Variants in THAP4 observed in about 807,000 individuals in gnomAD.
The protein encoded by THAP4 is THAP domain containing 4.
In THAP4, 18 loss-of-function variants were observed where a neutral mutation model predicts 48.1. The observed-to-expected ratio is 0.37, with a 90% CI of 0.26 to 0.56. The LOEUF is 0.56. Ranked by LOEUF, THAP4 falls within the 20% of genes least tolerant of loss-of-function variation. The pLI is 0.78. For missense variants in THAP4, 656 were observed against 774.9 expected (o/e 0.85, Z 1.82); for synonymous variants, 345 against 324.9 (o/e 1.06, Z -0.66).
intron 2 of THAP4, among the ~76,000 whole-genome samples, chr2:241,627,292 A>T (rs1473618888): frequency 6.6e-6 from 1 of 152,250 alleles, no homozygotes; most frequent in Non-Finnish European, 1.5e-5. Flanking sequence ...ATAAAGGAAT[A>T]AAAAGAAAAC....
At chr2:241,585,598 G>A (rs574617397) in intron 5 of THAP4, among the ~76,000 whole-genome samples, 1 of 152,230 alleles carries the variant, frequency 6.6e-6, no homozygotes, top group South Asian at 2.1e-4. Flanking sequence ...CCAATTTGGA[G>A]CAACTGGCCC....
chr2:241,619,147 T>C (rs2067380629), intron 2 of THAP4, among the ~76,000 whole-genome samples: 1 of 151,844 alleles, frequency 6.6e-6, no homozygotes, highest in Admixed American at 6.6e-5. Flanking sequence ...ACATCCTGGG[T>C]GGGAGTGGAA....
intron 2 of THAP4, among the ~76,000 whole-genome samples, chr2:241,615,125 T>A (rs1339104335): frequency 6.6e-6 from 1 of 152,018 alleles, no homozygotes; most frequent in Non-Finnish European, 1.5e-5. Flanking sequence ...ACGTATATAT[T>A]CTATGATTCC....
Position 241,633,881 on chromosome 2 carries a change from C to A in THAP4, c.276G>T (p.Arg92Ser), listed in dbSNP as rs759486716. ...PSIFHLTEKKRGAGGHGRTRR... is the reference protein window; with the variant it reads ...PSIFHLTEKKSGAGGHGRTRR... ...GGGTGCGGCCATGGCCTCCAGCCCC[C>A]CTCTTCTTCTCGGTCAGGTGGAAGA... The change falls in exon 2 of 6, where the codon AGG (arginine) becomes AGT (serine). Residue 92 changes from arginine (R) to serine (S), a missense_variant. Transcript: ENST00000407315. This position sits in a 1 kb window ranked among gnomAD's most constrained non-coding sequence, Gnocchi z 7.5. The A allele has an allele frequency of 1.2e-5, 19 of 1,614,036 alleles. No homozygotes were observed. Among genetic ancestry groups the A allele is most frequent in the Middle Eastern group, 1.7e-4 (1 of 6,060 alleles).
At chr2:241,589,040 C>T (rs949912861) in intron 5 of THAP4, among the ~76,000 whole-genome samples, 1 of 152,060 alleles carries the variant, frequency 6.6e-6, no homozygotes, top group South Asian at 2.1e-4. Flanking sequence ...GGTGAAACCC[C>T]GTCTTTACTA....
rs150339450 is a variant in THAP4, at chr2:241,629,125, C to T, written c.1240+3792G>A. Among the ~76,000 whole-genome samples, 13 of 151,996 alleles carry T rather than the reference C, an allele frequency of 8.6e-5. No individual in the cohort carries two copies. In the East Asian group the frequency reaches 2.3e-3, roughly 27 times the overall value. On this transcript the variant is annotated intron_variant, in intron 2 of 5. Coordinates refer to ENST00000407315, the MANE Select transcript of THAP4 (RefSeq NM_015963.6). ...ACCTAGGGAAGGTGGCACACAGGAC[C>T]GATCAGCTCTCAACAGTTACACAAA...
At chr2:241,613,625 C>T (rs1186691271) in intron 2 of THAP4, among the ~76,000 whole-genome samples, 1 of 151,956 alleles carries the variant, frequency 6.6e-6, no homozygotes, top group Non-Finnish European at 1.5e-5. Context: ...CGTGGTGGCA[C>T]GTGCCTGTCG....
intron 5 of THAP4, among the ~76,000 whole-genome samples, chr2:241,592,642 A>G (rs1469507837): frequency 6.6e-6 from 1 of 152,224 alleles, no homozygotes; most frequent in Non-Finnish European, 1.5e-5. Context: ...CCCAGATGCC[A>G]CGGAGCAGCT....
chr2:241,621,402 T>C (rs34256864), intron 2 of THAP4, among the ~76,000 whole-genome samples: 49,605 of 151,810 alleles, frequency 0.33, 8,409 homozygotes, highest in South Asian at 0.46. Context: ...AGGGCTCTAA[T>C]GGAAAAAGTG....
chr2:241,585,981 C>T (rs1365488678), intron 5 of THAP4, among the ~76,000 whole-genome samples: 1 of 149,228 alleles, frequency 6.7e-6, no homozygotes, highest in Non-Finnish European at 1.5e-5. Context: ...TGAGGTTGGG[C>T]ACGGTGGTTC....
At position 241,634,088 on chromosome 2, in the gene THAP4, C is replaced by T. The variant is rs767274102; in HGVS notation, c.78-9G>A. On this transcript the variant is annotated splice_polypyrimidine_tract_variant and intron_variant, in intron 1 of 5. Transcript: ENST00000407315. ...AGTCCTTTAGGGGGAACCTACAGGA[C>T]AAATGACAAAAAGTAATTAGAAATA... 5.9e-6 allele frequency: 9 copies of T among 1,520,184 alleles called. No homozygotes were observed. Among genetic ancestry groups the T allele is most frequent in the Middle Eastern group, 1.8e-4 (1 of 5,534 alleles). The allele number at this position is 1,520,184 out of a possible 1,614,324, so 94.2% of individuals were successfully genotyped here. A position where few individuals can be genotyped will look rare whatever the true frequency, so the allele number is the denominator to read the frequency against.
chr2:241,625,573 G>C (rs1166305683), intron 2 of THAP4, among the ~76,000 whole-genome samples: 1 of 150,976 alleles, frequency 6.6e-6, no homozygotes, highest in African/African-American at 2.4e-5. Context: ...GAGGCAGGCA[G>C]ATCACGAGGT....
At chr2:241,635,777 G>C (rs2067634961) in intron 1 of THAP4, among the ~76,000 whole-genome samples, 1 of 151,676 alleles carries the variant, frequency 6.6e-6, no homozygotes, top group Admixed American at 6.6e-5. Context: ...TCAAAAAAAA[G>C]AGAAAAAAAG....
intron 2 of THAP4, among the ~76,000 whole-genome samples, chr2:241,609,602 C>T (rs2067236907): frequency 6.6e-6 from 1 of 152,108 alleles, no homozygotes; most frequent in African/African-American, 2.4e-5. Flanking sequence ...GCGTGGCCAA[C>T]GTGGTGAAAC....
intron 3 of THAP4, among the ~76,000 whole-genome samples, chr2:241,606,030 AC>A (rs1476138365): frequency 6.6e-6 from 1 of 152,218 alleles, no homozygotes; most frequent in Non-Finnish European, 1.5e-5. Flanking sequence ...TAATTTTGAT[AC>A]ATAAATTAAG....
intron 5 of THAP4, among the ~76,000 whole-genome samples, chr2:241,596,759 C>T (rs35475486): frequency 0.33 from 50,198 of 151,324 alleles, 8,672 homozygotes; most frequent in South Asian, 0.46. Flanking sequence ...TGAGCCGAGA[C>T]TGCACCACTG....
chr2:241,622,774 AT>A (rs577529548), intron 2 of THAP4, among the ~76,000 whole-genome samples: 3 of 150,226 alleles, frequency 2.0e-5, no homozygotes, highest in Admixed American at 6.6e-5. Flanking sequence ...TAATTTTCTT[AT>A]TTTTTTTTGT....
intron 2 of THAP4, among the ~76,000 whole-genome samples, chr2:241,626,795 C>T (rs1326236393): frequency 2.0e-5 from 3 of 152,138 alleles, no homozygotes; most frequent in African/African-American, 7.2e-5. Context: ...AACTCTTGAC[C>T]TTAAGTGATC....
chr2:241,594,863 G>A, intron 5 of THAP4: 1 of 174,074 alleles, frequency 5.7e-6, no homozygotes, highest in South Asian at 1.4e-4. Context: ...GATCACCTGA[G>A]TCCAGGGGGG....
Sources: allele counts gnomAD v4.1 joint callset (sites outside exome capture counted in the v4.1 genomes callset), GRCh38; gene constraint gnomAD v4.1.1; non-coding constraint Gnocchi (gnomAD v3.1); transcripts MANE v1.5; gene names NCBI Gene and HGNC (gene_info 2026-07-23, HGNC 2026-07-21).